The following PABPC4L variants were observed in gnomAD, a reference collection of about 807,000 sequenced individuals.
PABPC4L encodes the protein polyadenylate-binding protein 4-like.
For missense variants in PABPC4L, 452 were observed against 451.4 expected, an observed-to-expected ratio of 1.00 and a Z score of -0.01; for synonymous variants, 169 against 164.1, an observed-to-expected ratio of 1.03 and a Z score of -0.23.
chr4:134,160,181 C>T, the PABPC4L span, among the ~76,000 whole-genome samples: 2 of 152,098 alleles, frequency 1.3e-5, no homozygotes, highest in Non-Finnish European at 1.5e-5. Context: ...AAACAATGGG[C>T]TACAGATGTG....
At chr4:133,991,458 G>A in the PABPC4L span, among the ~76,000 whole-genome samples, 3 of 152,102 alleles carry the variant, frequency 2.0e-5, no homozygotes, top group East Asian at 1.9e-4. Flanking sequence ...GCATCTTGCC[G>A]CTCCCCTACA....
the PABPC4L span, among the ~76,000 whole-genome samples, chr4:134,184,297 G>C: frequency 6.6e-6 from 1 of 151,848 alleles, no homozygotes; most frequent in African/African-American, 2.4e-5. Flanking sequence ...GAAAAAGTAA[G>C]ACACACCACT....
chr4:134,092,661 C>A, the PABPC4L span, among the ~76,000 whole-genome samples: 1 of 151,962 alleles, frequency 6.6e-6, no homozygotes, highest in Non-Finnish European at 1.5e-5. Context: ...CTGCTGTGGG[C>A]CAGTACAAGA....
At chr4:134,171,419 C>T in the PABPC4L span, among the ~76,000 whole-genome samples, 1 of 152,090 alleles carries the variant, frequency 6.6e-6, no homozygotes, top group African/African-American at 2.4e-5. Flanking sequence ...TGGCCATATG[C>T]ATTACTGTGA....
At chr4:134,104,388 A>G in the PABPC4L span, among the ~76,000 whole-genome samples, 1 of 151,762 alleles carries the variant, frequency 6.6e-6, no homozygotes, top group Middle Eastern at 3.2e-3. Context: ...AAGTTGGTGT[A>G]ATCTAATAGC....
the PABPC4L span, among the ~76,000 whole-genome samples, chr4:134,186,548 G>A: frequency 9.2e-5 from 14 of 152,188 alleles, no homozygotes; most frequent in East Asian, 1.5e-3. Context: ...AATTCAAAAT[G>A]GATTAAAGAC....
the PABPC4L span, among the ~76,000 whole-genome samples, chr4:134,040,382 T>C: frequency 9.2e-5 from 14 of 151,882 alleles, no homozygotes; most frequent in African/African-American, 3.4e-4. Context: ...AACAGAGATA[T>C]AGACCAATGG....
the PABPC4L span, among the ~76,000 whole-genome samples, chr4:134,132,949 T>C: frequency 6.9e-6 from 1 of 144,708 alleles, no homozygotes; most frequent in African/African-American, 2.5e-5. Context: ...ATAAACATTA[T>C]GTAGAATGTA....
At chr4:134,013,860 A>T in the PABPC4L span, among the ~76,000 whole-genome samples, 2 of 151,694 alleles carry the variant, frequency 1.3e-5, no homozygotes, top group Admixed American at 6.6e-5. Flanking sequence ...ATTCTTCCTC[A>T]GGCTCCACTC....
At chr4:134,153,886 T>G in the PABPC4L span, among the ~76,000 whole-genome samples, 2 of 150,168 alleles carry the variant, frequency 1.3e-5, no homozygotes, top group African/African-American at 4.9e-5. Flanking sequence ...TAATGAGCTT[T>G]TGCTACTTTC....
chr4:134,200,440 TGTAAACATTG>T lies in PABPC4L; in HGVS notation c.570_579del (p.Asn191Ter). On this transcript the variant is annotated frameshift_variant, in exon 2 of 2. Coordinates refer to ENST00000421491, the MANE Select transcript of PABPC4L (RefSeq NM_001114734.2). LOFTEE classifies it low-confidence loss of function (END_TRUNC). ...TCCATGTCACCTCCAAAGTTTTTTA[TGTAAACATTG>T]GTGAATTCACTGGCTTTGCTTCTGA... 1 of 1,552,234 alleles carries T rather than the reference TGTAAACATTG, an allele frequency of 6.4e-7. No homozygotes were observed. Among genetic ancestry groups the T allele is most frequent in the Non-Finnish European group, 8.7e-7 (1 of 1,147,226 alleles).
chr4:134,042,358 T>A, the PABPC4L span, among the ~76,000 whole-genome samples: 5 of 152,066 alleles, frequency 3.3e-5, no homozygotes, highest in African/African-American at 1.2e-4. Flanking sequence ...ACTACTCAGG[T>A]GATGGGTGCA....
At chr4:133,995,780 G>A in the PABPC4L span, among the ~76,000 whole-genome samples, 1 of 152,116 alleles carries the variant, frequency 6.6e-6, no homozygotes, top group Non-Finnish European at 1.5e-5. Context: ...TGGTTGGCTT[G>A]TTCACACAAC....
At chr4:134,149,222 G>A in the PABPC4L span, among the ~76,000 whole-genome samples, 3 of 152,088 alleles carry the variant, frequency 2.0e-5, no homozygotes, top group African/African-American at 7.2e-5. Context: ...CCGTTCCCAA[G>A]TCAAAGCAAA....
chr4:134,055,156 T>C, the PABPC4L span, among the ~76,000 whole-genome samples: 229 of 152,206 alleles, frequency 1.5e-3, no homozygotes, highest in Non-Finnish European at 2.4e-3. Flanking sequence ...ATAAAAATCA[T>C]ATATTGAAGC....
the PABPC4L span, among the ~76,000 whole-genome samples, chr4:134,062,130 C>T: frequency 6.6e-6 from 1 of 151,632 alleles, no homozygotes; most frequent in Non-Finnish European, 1.5e-5. Context: ...AGGAACTCTG[C>T]CTGTGTCAAA....
chr4:134,081,784 C>A, the PABPC4L span, among the ~76,000 whole-genome samples: 1 of 151,920 alleles, frequency 6.6e-6, no homozygotes, highest in African/African-American at 2.4e-5. Flanking sequence ...CTTAGAAAAA[C>A]CTGAATAAAA....
the PABPC4L span, among the ~76,000 whole-genome samples, chr4:133,959,829 A>G: frequency 2.0e-5 from 3 of 152,216 alleles, no homozygotes; most frequent in Non-Finnish European, 2.9e-5. Context: ...TTGTTTGGCT[A>G]TGTTCAAGTC....
At chr4:133,955,821 T>C in the PABPC4L span, among the ~76,000 whole-genome samples, 1 of 152,294 alleles carries the variant, frequency 6.6e-6, no homozygotes, top group African/African-American at 2.4e-5. Flanking sequence ...CCATTCACAA[T>C]GACTGTATCA....
Sources: gnomAD v4.1 joint callset for allele counts (sites outside exome capture counted in the v4.1 genomes callset) on GRCh38, gnomAD v4.1.1 for gene constraint, MANE v1.5 for transcripts, NCBI Gene and HGNC (gene_info 2026-07-23, HGNC 2026-07-21) for gene names.